Variants in MCC observed in about 807,000 individuals in gnomAD.
MCC encodes the protein MCC regulator of Wnt signaling pathway.
MCC carries 90 observed loss-of-function variants against 116.2 expected under a neutral mutation model. That is an observed-to-expected ratio of 0.77 (90% CI 0.65 to 0.92). MCC has a LOEUF of 0.92. Among genes scored for constraint, MCC ranks in the 40% least tolerant of loss-of-function variants. MCC has a pLI of 0.00. For synonymous variants in MCC, 578 were observed against 510.5 expected (o/e 1.13, Z -1.78); for missense variants, 1,516 against 1,312.2 (o/e 1.16, Z -2.40).
At chr5:113,314,852 T>C (rs1220515008) in intron 3 of MCC, among the ~76,000 whole-genome samples, 1 of 152,210 alleles carries the variant, frequency 6.6e-6, no homozygotes, top group African/African-American at 2.4e-5. Context: ...CCTCCCAAAG[T>C]GCTGGGATTA....
intron 3 of MCC, among the ~76,000 whole-genome samples, chr5:113,165,954 G>A (rs1241293437): frequency 6.8e-6 from 1 of 147,496 alleles, no homozygotes; most frequent in Non-Finnish European, 1.5e-5. Context: ...TTTCTCCTGT[G>A]CTTATTAAGA....
intron 16 of MCC, among the ~76,000 whole-genome samples, chr5:113,046,187 T>C (rs905377549): frequency 6.6e-6 from 1 of 151,390 alleles, no homozygotes; most frequent in Admixed American, 6.6e-5. Context: ...TTCCATAGGA[T>C]AAATTTTCTT....
intron 3 of MCC, among the ~76,000 whole-genome samples, chr5:113,174,565 G>T (rs913087260): frequency 6.6e-6 from 1 of 151,202 alleles, no homozygotes; most frequent in Admixed American, 6.6e-5. Flanking sequence ...GAAGACCTTG[G>T]AGAAAAAACC....
At chr5:113,158,858 A>G (rs1760322714) in intron 3 of MCC, among the ~76,000 whole-genome samples, 1 of 152,150 alleles carries the variant, frequency 6.6e-6, no homozygotes, top group Non-Finnish European at 1.5e-5. Context: ...TATGTGCATC[A>G]CTGGCACCTC....
At chr5:113,072,897 A>T (rs1011728172) in intron 11 of MCC, among the ~76,000 whole-genome samples, 3 of 152,094 alleles carry the variant, frequency 2.0e-5, no homozygotes, top group Non-Finnish European at 4.4e-5. Flanking sequence ...CTCTAGTTTA[A>T]CATTCCAAAG....
intron 2 of MCC, among the ~76,000 whole-genome samples, chr5:113,363,380 G>T (rs1768598520): frequency 6.6e-6 from 1 of 152,228 alleles, no homozygotes; most frequent in African/African-American, 2.4e-5. Flanking sequence ...CAGGAAGCAT[G>T]ATGCCAGTAT....
chr5:113,434,155 T>A lies in MCC; in HGVS notation c.171-48943A>T. Reference sequence around the variant, plus strand: ...CGTGGGAAGTTGACGCGGTGCTCCTTCTGGATACGCAGCATCTTCTTGATG... The same window carrying A: ...CGTGGGAAGTTGACGCGGTGCTCCTACTGGATACGCAGCATCTTCTTGATG... On this transcript the variant is annotated intron_variant, in intron 1 of 18. Coordinates refer to ENST00000408903, the MANE Select transcript of MCC (RefSeq NM_001085377.2). The surrounding 1 kb of genome is among the most constrained non-coding windows in gnomAD (Gnocchi z 4.2). The A allele has an allele frequency of 1.2e-6, 2 of 1,614,148 alleles. No homozygotes were observed.
Position 113,022,348 on chromosome 5 carries a change from C to A in MCC, c.*4954G>T, listed in dbSNP as rs1433390128. The A allele has an allele frequency of 6.6e-6, 1 of 152,584 alleles. No individual in the cohort carries two copies. Among genetic ancestry groups the A allele is most frequent in the Non-Finnish European group, 1.5e-5 (1 of 68,018 alleles). The allele number at this position is 152,584 out of a possible 1,614,324, so 9.5% of individuals were successfully genotyped here. A position where few individuals can be genotyped will look rare whatever the true frequency, so the allele number is the denominator to read the frequency against. On this transcript the variant is annotated 3_prime_UTR_variant, in exon 19 of 19. Transcript: ENST00000408903. ...TTTAAAATGAGACTTTCAGTACAAA[C>A]AGTAGAACAATACTGACAAATGCAA...
Position 113,082,873 on chromosome 5 carries a change from C to G in MCC, c.1771G>C (p.Glu591Gln). 1.2e-6 allele frequency: 2 copies of G among 1,614,140 alleles called. No individual in the cohort carries two copies. The highest frequency in any genetic ancestry group is 1.7e-6 in the Non-Finnish European group (2 of 1,179,986). Residue 591 changes from glutamate to glutamine, a missense_variant, in exon 11 of 19, where the codon GAA (glutamate) becomes CAA (glutamine). Glu to Gln is a conservative substitution (Grantham distance 29). Transcript: ENST00000408903. ...ATCTCTCCTCACCTATTCAGCCGTT[C>G]TGTTTCCACCTCAAACTCTCTAATC... ...SKIREFEVET[E>Q]RLNSRIEHLK... is the part of the protein sequence containing the mutation.
At chr5:113,368,626 T>C (rs1212892601) in intron 2 of MCC, among the ~76,000 whole-genome samples, 1 of 152,216 alleles carries the variant, frequency 6.6e-6, no homozygotes, top group Non-Finnish European at 1.5e-5. Flanking sequence ...AAAAGTGTTT[T>C]TTTTTTTCCT....
chr5:113,105,742 TCTCCTGC>T (rs2150257595), intron 6 of MCC, among the ~76,000 whole-genome samples: 1 of 152,288 alleles, frequency 6.6e-6, no homozygotes, highest in East Asian at 1.9e-4. Flanking sequence ...ACTGTAACAA[TCTCCTGC>T]CTCTACTCTC....
intron 1 of MCC, chr5:113,433,676 T>G: frequency 1.3e-6 from 2 of 1,545,952 alleles, no homozygotes; most frequent in South Asian, 1.3e-5. Context: ...CACCCTTGAC[T>G]TCTTCAGAGC....
At chr5:113,130,965 G>C (rs1214476039) in intron 5 of MCC, among the ~76,000 whole-genome samples, 2 of 152,148 alleles carry the variant, frequency 1.3e-5, no homozygotes, top group Non-Finnish European at 2.9e-5. Context: ...CTCTCCCAAA[G>C]GCCTCATCTC....
chr5:113,112,746 CT>C, intron 6 of MCC, among the ~76,000 whole-genome samples: 1 of 152,134 alleles, frequency 6.6e-6, no homozygotes. Flanking sequence ...GTCCCAGAGA[CT>C]TACAGTGCTG....
intron 5 of MCC, among the ~76,000 whole-genome samples, chr5:113,130,647 G>C (rs79161004): frequency 7.2e-5 from 11 of 152,214 alleles, no homozygotes; most frequent in Admixed American, 2.6e-4. Context: ...GCCCTTCCTT[G>C]TGGGTGAGTG....
intron 3 of MCC, among the ~76,000 whole-genome samples, chr5:113,273,139 A>C (rs760502894): frequency 6.6e-6 from 1 of 152,254 alleles, no homozygotes; most frequent in Non-Finnish European, 1.5e-5. Flanking sequence ...TTATCAGAAC[A>C]GTACTGAGGG....
intron 11 of MCC, among the ~76,000 whole-genome samples, chr5:113,074,877 A>G (rs1159431785): frequency 6.6e-6 from 1 of 152,242 alleles, no homozygotes; most frequent in African/African-American, 2.4e-5. Flanking sequence ...TCCAAGAAAT[A>G]AGGGACTGAG....
At chr5:113,038,250 G>A (rs1751450783) in intron 17 of MCC, among the ~76,000 whole-genome samples, 1 of 152,152 alleles carries the variant, frequency 6.6e-6, no homozygotes, top group African/African-American at 2.4e-5. Flanking sequence ...TAGCATATTT[G>A]GGTGGAGATG....
chr5:113,136,977 G>A (rs1758872412), intron 5 of MCC, among the ~76,000 whole-genome samples: 1 of 152,124 alleles, frequency 6.6e-6, no homozygotes, highest in Non-Finnish European at 1.5e-5. Context: ...CCTTCACTAT[G>A]ATATTAGCCA....
Sources: allele counts gnomAD v4.1 joint callset (sites outside exome capture counted in the v4.1 genomes callset), GRCh38; gene constraint gnomAD v4.1.1; non-coding constraint Gnocchi (gnomAD v3.1); transcripts MANE v1.5; gene names NCBI Gene and HGNC (gene_info 2026-07-23, HGNC 2026-07-21).